The following PCDH15 variants were observed in gnomAD, a reference collection of about 807,000 sequenced individuals.
The protein encoded by PCDH15 is protocadherin-15.
In PCDH15, 129 loss-of-function variants were observed where a neutral mutation model predicts 178.5. The observed-to-expected ratio is 0.72, with a 90% CI of 0.63 to 0.84. PCDH15 has a LOEUF of 0.84. Ranked by LOEUF, PCDH15 falls within the 40% of genes least tolerant of loss-of-function variation. The pLI, the probability that PCDH15 is intolerant of heterozygous loss-of-function variation, is 0.00. For synonymous variants in PCDH15, 800 were observed against 732.0 expected (o/e 1.09, Z -1.50); for missense variants, 2,230 against 2,099.9 (o/e 1.06, Z -1.21).
rs1251306061 is a variant in PCDH15 at position 54,561,513 on chromosome 10, A to G, written c.92-33636T>C. ...GATTTAATCAAATTCATGGGAATCA[A>G]TAGAATTGTTTTCTTTTGTTGGTTT... On this transcript the variant is annotated intron_variant, in intron 2 of 37. Coordinates refer to ENST00000644397, the MANE Select transcript of PCDH15 (RefSeq NM_001384140.1). 2.6e-5 allele frequency among the ~76,000 whole-genome samples: 4 copies of G among 152,288 alleles called. No homozygotes were observed. In the East Asian group the frequency reaches 7.7e-4, roughly 29 times the overall value.
chr10:54,815,146 T>G lies in PCDH15; in HGVS notation c.-29+82304A>C, dbSNP rs530793362. 2.7e-3 allele frequency among the ~76,000 whole-genome samples: 240 copies of G among 88,844 alleles called. 2 individuals carry two copies. The highest frequency in any genetic ancestry group is 0.01 in the African/African-American group (225 of 21,942). The allele number at this position is 88,844 out of a possible 152,430, so 58.3% of individuals were successfully genotyped here. A position where few individuals can be genotyped will look rare whatever the true frequency, so the allele number is the denominator to read the frequency against. The stretch of plus-strand genomic sequence containing the variant: ...ATTTTTGTTCAATAAATATGTTGGT[T>G]TTTTTTTTTATATTTGTGACAAGTT... On this transcript the variant is annotated intron_variant, in intron 3 of 5. Coordinates refer to the PCDH15 transcript ENST00000458638.
At chr10:55,063,785 T>C (rs886350215) in intron 2 of PCDH15, among the ~76,000 whole-genome samples, 1 of 152,160 alleles carries the variant, frequency 6.6e-6, no homozygotes, top group East Asian at 1.9e-4. Flanking sequence ...AAATTATTTC[T>C]GCATTCACAC....
At chr10:55,598,450 AC>A (rs1183555847) in intron 2 of PCDH15, among the ~76,000 whole-genome samples, 2 of 145,492 alleles carry the variant, frequency 1.4e-5, no homozygotes, top group East Asian at 2.0e-4. Context: ...TAATTGATAA[AC>A]CCCGATATAC....
intron 1 of PCDH15, among the ~76,000 whole-genome samples, chr10:55,303,687 T>C (rs2132280800): frequency 6.6e-6 from 1 of 152,314 alleles, no homozygotes; most frequent in Non-Finnish European, 1.5e-5. Context: ...TTGTCTATTT[T>C]ATGTGTATAG....
At chr10:54,023,347 A>C (rs2092986239) in intron 18 of PCDH15, 150 bp from the exon 19 acceptor site, 1 of 667,646 alleles carries the variant, frequency 1.5e-6, no homozygotes, top group African/African-American at 1.8e-5. Flanking sequence ...TACAATGCAA[A>C]ATTTAAAACA....
At chr10:54,435,333 G>A (rs1014821168) in intron 3 of PCDH15, among the ~76,000 whole-genome samples, 2 of 152,038 alleles carry the variant, frequency 1.3e-5, no homozygotes, top group African/African-American at 4.8e-5. Flanking sequence ...TGAATTCATT[G>A]TTTAGATCTC....
chr10:54,335,829 G>A (rs1318631243), intron 6 of PCDH15, among the ~76,000 whole-genome samples: 5 of 152,180 alleles, frequency 3.3e-5, no homozygotes, highest in Non-Finnish European at 7.3e-5. Flanking sequence ...AAAATGTGGA[G>A]GCAACTTTGG....
chr10:54,614,003 T>C (rs1159318443), intron 2 of PCDH15, among the ~76,000 whole-genome samples: 1 of 151,982 alleles, frequency 6.6e-6, no homozygotes, highest in Non-Finnish European at 1.5e-5. Flanking sequence ...TAAAGATAAC[T>C]GTTTCTTAAT....
At chr10:53,868,201 A>G (rs2079585673) in intron 26 of PCDH15, among the ~76,000 whole-genome samples, 1 of 151,976 alleles carries the variant, frequency 6.6e-6, no homozygotes, top group Non-Finnish European at 1.5e-5. Flanking sequence ...TAAGTTATAC[A>G]TTTTCATTTG....
At chr10:55,133,170 TA>T (rs996439621) in intron 2 of PCDH15, among the ~76,000 whole-genome samples, 5 of 152,164 alleles carry the variant, frequency 3.3e-5, no homozygotes, top group African/African-American at 1.2e-4. Context: ...TAACAGTTAT[TA>T]AAAATATTAA....
chr10:54,825,847 G>C (rs1015190876), intron 3 of PCDH15, among the ~76,000 whole-genome samples: 1 of 151,984 alleles, frequency 6.6e-6, no homozygotes, highest in African/African-American at 2.4e-5. Context: ...TACTTAATTA[G>C]TGATGTTATT....
rs1293996956 is a variant in PCDH15 at position 55,159,853 on chromosome 10, C to T, written c.-80+6723G>A. 8.0e-5 allele frequency among the ~76,000 whole-genome samples: 12 copies of T among 149,512 alleles called. 1 individual carries two copies. Among genetic ancestry groups the T allele is most frequent in the East Asian group, 3.9e-4 (2 of 5,116 alleles). The stretch of plus-strand genomic sequence containing the variant: ...TCTTTGTTTATCCTTTTGCAAACGA[C>T]GGTTTTTTTTTCCTCTCTCAATAAA... On this transcript the variant is annotated intron_variant, in intron 2 of 5. Transcript: ENST00000458638.
At chr10:55,308,677 T>G (rs1246168073) in intron 1 of PCDH15, among the ~76,000 whole-genome samples, 1 of 152,158 alleles carries the variant, frequency 6.6e-6, no homozygotes, top group African/African-American at 2.4e-5. Context: ...AGCATAGACT[T>G]AAAATCACCT....
chr10:55,518,740 A>G (rs1014663125), intron 2 of PCDH15, among the ~76,000 whole-genome samples: 1 of 151,966 alleles, frequency 6.6e-6, no homozygotes, highest in African/African-American at 2.4e-5. Context: ...GATAAGCACA[A>G]CAAAGAGACA....
chr10:54,096,392 T>G (rs1181733331), intron 15 of PCDH15, among the ~76,000 whole-genome samples: 1 of 152,122 alleles, frequency 6.6e-6, no homozygotes. Context: ...ACTGCTACTC[T>G]TCATTGTTAA....
chr10:55,016,252 A>G (rs1348570826), intron 2 of PCDH15, among the ~76,000 whole-genome samples: 6 of 152,138 alleles, frequency 3.9e-5, no homozygotes, highest in Non-Finnish European at 5.9e-5. Context: ...CTTTGTGTTA[A>G]AAACAATCCA....
chr10:55,078,287 G>C (rs1043358258), intron 2 of PCDH15, among the ~76,000 whole-genome samples: 4 of 152,026 alleles, frequency 2.6e-5, no homozygotes, highest in African/African-American at 9.7e-5. Flanking sequence ...ACTATATTGT[G>C]CTGTGGAGAA....
intron 34 of PCDH15, among the ~76,000 whole-genome samples, chr10:53,816,760 T>C (rs945367655): frequency 1.3e-5 from 2 of 152,196 alleles, no homozygotes; most frequent in Non-Finnish European, 2.9e-5. Flanking sequence ...TATCAACATA[T>C]TGAAGACATG....
intron 1 of PCDH15, among the ~76,000 whole-genome samples, chr10:54,726,890 T>G (rs1366232575): frequency 6.6e-6 from 1 of 150,994 alleles, no homozygotes; most frequent in Non-Finnish European, 1.5e-5. Flanking sequence ...AAACAAAATC[T>G]CTGAGAAATA....
Sources: gnomAD v4.1 joint callset for allele counts (sites outside exome capture counted in the v4.1 genomes callset) on GRCh38, gnomAD v4.1.1 for gene constraint, MANE v1.5 for transcripts, NCBI Gene and HGNC (gene_info 2026-07-23, HGNC 2026-07-21) for gene names.